ARHGAP22: variants seen among roughly 807,000 people sequenced by gnomAD.
The protein encoded by ARHGAP22 is rho GTPase-activating protein 22.
A neutral mutation model predicts 59.1 loss-of-function variants in ARHGAP22; 48 were observed. The ratio of observed to expected loss-of-function variants is 0.81; its 90% confidence interval spans 0.64 to 1.03. ARHGAP22 has a LOEUF of 1.03. Ranked by LOEUF, ARHGAP22 falls within the 50% of genes least tolerant of loss-of-function variation. ARHGAP22 has a pLI of 0.00. For missense variants in ARHGAP22, 1,015 were observed against 958.7 expected (o/e 1.06, Z -0.78); for synonymous variants, 445 against 416.4 (o/e 1.07, Z -0.84).
chr10:48,507,839 C>T (rs2052303901), intron 3 of ARHGAP22, among the ~76,000 whole-genome samples: 2 of 151,116 alleles, frequency 1.3e-5, no homozygotes, highest in South Asian at 4.2e-4. Context: ...CCACCAGTAA[C>T]AGCCCCCACT....
At position 48,450,653 on chromosome 10, in the gene ARHGAP22, G is replaced by T. The variant is rs1004728430; in HGVS notation, c.1476C>A (p.Tyr492Ter). The T allele has an allele frequency of 7.7e-6, 12 of 1,550,190 alleles. No homozygotes were observed. The highest frequency in any genetic ancestry group is 9.6e-6 in the Non-Finnish European group (11 of 1,147,076). Residue 492 changes from tyrosine to a stop codon, truncating the protein, a stop_gained, in exon 9 of 10, where the codon TAC (tyrosine) becomes TAA (stop). Coordinates refer to ENST00000249601, the MANE Select transcript of ARHGAP22 (RefSeq NM_021226.4). LOFTEE classifies it high-confidence loss of function. ...CCAGGCCCGGCGCGGGCACATTGTC[G>T]TAGGTGGAGAGTCTCTGCACGGAGC... ...DSGSVQRLST[Y>*]DNVPAPGLVP...
intron 3 of ARHGAP22, among the ~76,000 whole-genome samples, chr10:48,533,590 A>G (rs1476677990): frequency 3.9e-5 from 6 of 152,248 alleles, no homozygotes; most frequent in Non-Finnish European, 7.3e-5. Context: ...ACCAGAAGTC[A>G]GTAAACTTTC....
intron 2 of ARHGAP22, among the ~76,000 whole-genome samples, chr10:48,557,653 GC>G (rs1318369269): frequency 6.6e-6 from 1 of 152,228 alleles, no homozygotes; most frequent in African/African-American, 2.4e-5. Context: ...TATCATGGCA[GC>G]CACCAACTGA....
chr10:48,582,378 G>A (rs1210791648), intron 2 of ARHGAP22, among the ~76,000 whole-genome samples: 1 of 152,186 alleles, frequency 6.6e-6, no homozygotes, highest in Non-Finnish European at 1.5e-5. Context: ...TCATTATGAC[G>A]TTTGCATGGG....
chr10:48,623,705 G>A (rs1324179706), intron 1 of ARHGAP22, among the ~76,000 whole-genome samples: 2 of 151,676 alleles, frequency 1.3e-5, no homozygotes, highest in South Asian at 4.1e-4. Context: ...CAAGCTCCTG[G>A]TTAAGAGGAG....
At position 48,620,957 on chromosome 10, in the gene ARHGAP22, G is replaced by A. The variant is rs535423134; in HGVS notation, c.52+31277C>T. Among the ~76,000 whole-genome samples the A allele has an allele frequency of 1.1e-3, 175 of 152,340 alleles. 1 individual carries two copies. Among genetic ancestry groups the A allele is most frequent in the African/African-American group, 3.9e-3 (161 of 41,584 alleles). The stretch of plus-strand genomic sequence containing the variant: ...CAGGCTGCCAGTTACAAACACCATG[G>A]CCTTCACTGTCACTTCACAAAAGTG... On this transcript the variant is annotated intron_variant, in intron 1 of 9. Transcript: ENST00000435790.
intron 1 of ARHGAP22, among the ~76,000 whole-genome samples, chr10:48,601,209 A>C (rs2060360156): frequency 6.6e-6 from 1 of 152,204 alleles, no homozygotes; most frequent in South Asian, 2.1e-4. Flanking sequence ...GAGCCACAAC[A>C]TTCATAACTA....
chr10:48,604,613 C>A, intron 1 of ARHGAP22, 150 bp downstream of exon 1: 1 of 1,313,386 alleles, frequency 7.6e-7, no homozygotes, highest in South Asian at 1.4e-5. Flanking sequence ...AGGAAGGGCA[C>A]TTCCTCAGGA....
At chr10:48,434,778 G>A in the ARHGAP22 span, 20 of 992,050 alleles carry the variant, frequency 2.0e-5, no homozygotes, top group South Asian at 4.6e-5. Flanking sequence ...GTGAGCCTTC[G>A]AAACCCAAGA....
At position 48,523,998 on chromosome 10, in the gene ARHGAP22, GGCAGCCTCTGGCGGCGGCC is replaced by G. The variant is rs1179231668; in HGVS notation, c.322+31446_322+31464del. On this transcript the variant is annotated intron_variant, in intron 3 of 9. Coordinates refer to ENST00000249601, the MANE Select transcript of ARHGAP22 (RefSeq NM_021226.4). The stretch of plus-strand genomic sequence containing the variant: ...CGTGGCGAGTCCCCGAGGCGGGGCT[GGCAGCCTCTGGCGGCGGCC>G]GCAGGGAGCGGGGCGCACGTGCGCG... 3.0e-5 allele frequency: 43 copies of G among 1,422,536 alleles called. No individual in the cohort carries two copies. In the East Asian group the frequency reaches 1.2e-3, roughly 40 times the overall value. The allele number at this position is 1,422,536 out of a possible 1,614,324, so 88.1% of individuals were successfully genotyped here. A position where few individuals can be genotyped will look rare whatever the true frequency, so the allele number is the denominator to read the frequency against.
chr10:48,435,322 A>G, the ARHGAP22 span: 1 of 268,874 alleles, frequency 3.7e-6, no homozygotes, highest in Middle Eastern at 1.0e-3. Flanking sequence ...GCTTTATCTT[A>G]TGCTGCTGAT....
intron 5 of ARHGAP22, among the ~76,000 whole-genome samples, chr10:48,457,576 C>A (rs1332369802): frequency 6.6e-6 from 1 of 152,180 alleles, no homozygotes; most frequent in Non-Finnish European, 1.5e-5. Context: ...CAGCCCTAGG[C>A]TCCGGCCCAC....
chr10:48,499,935 T>A (rs2134351500), intron 3 of ARHGAP22, among the ~76,000 whole-genome samples: 1 of 152,354 alleles, frequency 6.6e-6, no homozygotes, highest in East Asian at 1.9e-4. Context: ...ATGAATAGCA[T>A]TTCTTTTTAA....
chr10:48,654,682 GTT>G (rs60090848), upstream of ARHGAP22, among the ~76,000 whole-genome samples: 145,685 of 151,928 alleles, frequency 0.96, 70,128 homozygotes, highest in South Asian at 1. Context: ...TGGTGTGTGT[GTT>G]TAAGTGTGTG....
the ARHGAP22 span, chr10:48,435,268 G>A: frequency 5.2e-6 from 2 of 384,180 alleles, no homozygotes; most frequent in African/African-American, 4.1e-5. Context: ...ACTGTATAAT[G>A]TAAACCTAAT....
chr10:48,563,878 A>G (rs1439818319), intron 2 of ARHGAP22, among the ~76,000 whole-genome samples: 1 of 152,246 alleles, frequency 6.6e-6, no homozygotes, highest in East Asian at 1.9e-4. Context: ...GTAATCCAAT[A>G]TAAATAAATA....
chr10:48,535,050 A>C (rs963432603), intron 3 of ARHGAP22, among the ~76,000 whole-genome samples: 1 of 152,198 alleles, frequency 6.6e-6, no homozygotes, highest in African/African-American at 2.4e-5. Flanking sequence ...GGAGTTAACT[A>C]GTGCTCCTTG....
intron 3 of ARHGAP22, among the ~76,000 whole-genome samples, chr10:48,521,530 G>C (rs1444051266): frequency 6.6e-6 from 1 of 152,226 alleles, no homozygotes; most frequent in African/African-American, 2.4e-5. Context: ...ATCCAAGAAT[G>C]AAATCAATAA....
At chr10:48,566,565 T>C (rs2058056927) in intron 2 of ARHGAP22, among the ~76,000 whole-genome samples, 1 of 152,238 alleles carries the variant, frequency 6.6e-6, no homozygotes, top group African/African-American at 2.4e-5. Flanking sequence ...TGACTTTCTC[T>C]TGAAGCTTCT....
Sources: gnomAD v4.1 joint callset for allele counts (sites outside exome capture counted in the v4.1 genomes callset) on GRCh38, gnomAD v4.1.1 for gene constraint, MANE v1.5 for transcripts, NCBI Gene and HGNC (gene_info 2026-07-23, HGNC 2026-07-21) for gene names.